The following SPAST variants were observed in gnomAD, a reference collection of about 807,000 sequenced individuals.
SPAST encodes spastic paraplegia 4 (autosomal dominant; spastin).
Under a neutral mutation model 76.6 loss-of-function variants are expected in SPAST, and 30 were observed. That is an observed-to-expected ratio of 0.39 (90% CI 0.29 to 0.53). The LOEUF (loss-of-function observed/expected upper bound fraction) is 0.53. Among genes scored for constraint, SPAST ranks in the 20% least tolerant of loss-of-function variants. SPAST has a pLI of 0.68. For missense variants in SPAST, 717 were observed against 770.5 expected, an observed-to-expected ratio of 0.93 and a Z score of 0.82; for synonymous variants, 305 against 281.0, an observed-to-expected ratio of 1.09 and a Z score of -0.86.
chr2:32,134,451 G>A (rs1046104238), intron 9 of SPAST, among the ~76,000 whole-genome samples: 5 of 146,968 alleles, frequency 3.4e-5, no homozygotes, highest in East Asian at 2.0e-4. Context: ...GCAGTGAGCC[G>A]AGACTCCATC....
At chr2:32,151,343 ATATT>A (rs1680078751) in intron 16 of SPAST, among the ~76,000 whole-genome samples, 1 of 152,186 alleles carries the variant, frequency 6.6e-6, no homozygotes, top group Admixed American at 6.6e-5. Context: ...TTATGAGTTA[ATATT>A]TATAAAGCAC....
intron 3 of SPAST, among the ~76,000 whole-genome samples, chr2:32,090,964 C>G (rs895951041): frequency 6.6e-6 from 1 of 152,038 alleles, no homozygotes; most frequent in Non-Finnish European, 1.5e-5. Flanking sequence ...TCCAGTGATA[C>G]TTTAATTCTG....
At chr2:32,129,043 T>C (rs1391003682) in intron 9 of SPAST, 1 of 166,542 alleles carries the variant, frequency 6.0e-6, no homozygotes, top group Non-Finnish European at 1.3e-5. Flanking sequence ...GTCACATTCA[T>C]AGGTACTAGG....
At chr2:32,092,537 A>G (rs1484142554) in intron 3 of SPAST, among the ~76,000 whole-genome samples, 1 of 152,210 alleles carries the variant, frequency 6.6e-6, no homozygotes, top group East Asian at 1.9e-4. Flanking sequence ...GTGACTTTGT[A>G]CTTTCTTATT....
intron 3 of SPAST, among the ~76,000 whole-genome samples, chr2:32,095,415 T>G (rs1489865650): frequency 6.6e-6 from 1 of 151,942 alleles, no homozygotes; most frequent in African/African-American, 2.4e-5. Flanking sequence ...AATATACACT[T>G]AGATAAATGA....
chr2:32,088,699 T>C (rs1238191058), intron 2 of SPAST, among the ~76,000 whole-genome samples: 2 of 137,910 alleles, frequency 1.5e-5, no homozygotes, highest in African/African-American at 5.3e-5. Context: ...CCTTGTATTA[T>C]ACCAGTAAGA....
intron 1 of SPAST, among the ~76,000 whole-genome samples, chr2:32,082,632 G>A (rs1677283627): frequency 6.6e-6 from 1 of 151,848 alleles, no homozygotes; most frequent in Non-Finnish European, 1.5e-5. Flanking sequence ...TGAGGCGGAG[G>A]TTCCAGGGAG....
chr2:32,113,050 T>C (rs1025169457), intron 4 of SPAST, among the ~76,000 whole-genome samples: 4 of 152,210 alleles, frequency 2.6e-5, no homozygotes, highest in Non-Finnish European at 5.9e-5. Flanking sequence ...TAAATGTTCA[T>C]TTGCATATAT....
At chr2:32,104,314 C>T (rs1322848573) in intron 4 of SPAST, among the ~76,000 whole-genome samples, 1 of 152,140 alleles carries the variant, frequency 6.6e-6, no homozygotes, top group Non-Finnish European at 1.5e-5. Context: ...GTAGATCTTC[C>T]TCCATCCCTT....
chr2:32,110,924 GTATA>G (rs1188540714), intron 4 of SPAST, among the ~76,000 whole-genome samples: 1 of 52,452 alleles, frequency 1.9e-5, no homozygotes, highest in African/African-American at 7.5e-5. Context: ...TGTGTATAGA[GTATA>G]TATACAGTAT....
intron 1 of SPAST, among the ~76,000 whole-genome samples, chr2:32,071,479 G>A (rs1177662874): frequency 6.6e-6 from 1 of 152,156 alleles, no homozygotes; most frequent in African/African-American, 2.4e-5. Flanking sequence ...TATTTGAAGA[G>A]ATTTATTCTG....
intron 1 of SPAST, among the ~76,000 whole-genome samples, chr2:32,072,632 C>T (rs957303034): frequency 5.9e-5 from 9 of 151,988 alleles, no homozygotes; most frequent in African/African-American, 9.7e-5. Flanking sequence ...TTTTGCTTAC[C>T]GGTTTATAAA....
At chr2:32,068,441 C>A (rs955005893) in intron 1 of SPAST, among the ~76,000 whole-genome samples, 3 of 151,924 alleles carry the variant, frequency 2.0e-5, no homozygotes, top group Non-Finnish European at 4.4e-5. Flanking sequence ...CCTGCCTCAG[C>A]CTCCCCAGTA....
In SPAST at chr2:32,144,929, T is replaced by C; in HGVS notation, c.1617-8T>C. The C allele has an allele frequency of 6.2e-7, 1 of 1,608,036 alleles. No individual in the cohort carries two copies. Among genetic ancestry groups the C allele is most frequent in the Non-Finnish European group, 8.5e-7 (1 of 1,175,612 alleles). ...AATAATTTGCTGTTTCTTCCTTCCC[T>C]TCCTCAGAATGACTGATGGATACTC... On this transcript the variant is annotated splice_region_variant and splice_polypyrimidine_tract_variant and intron_variant, in intron 14 of 16. Coordinates refer to ENST00000315285, the MANE Select transcript of SPAST (RefSeq NM_014946.4).
intron 4 of SPAST, among the ~76,000 whole-genome samples, chr2:32,111,229 CGTATATATACAGTATACTATATA>C (rs1678580439): frequency 1.9e-5 from 2 of 103,818 alleles, no homozygotes; most frequent in African/African-American, 7.6e-5. Context: ...GTGTGTATAG[CGTATATATACAGTATACTATATA>C]GTGTGTATAG....
At chr2:32,102,385 G>A (rs1010759818) in intron 4 of SPAST, among the ~76,000 whole-genome samples, 4 of 152,156 alleles carry the variant, frequency 2.6e-5, no homozygotes, top group Admixed American at 6.5e-5. Flanking sequence ...AGATGATGGG[G>A]TTTTCTAAAT....
At chr2:32,110,618 G>A in intron 4 of SPAST, among the ~76,000 whole-genome samples, 1 of 130,266 alleles carries the variant, frequency 7.7e-6, no homozygotes, top group Non-Finnish European at 1.6e-5. Context: ...ACTATATAGT[G>A]TATATATAGT....
rs773344020 is a variant in SPAST at position 32,087,570 on chromosome 2, C to T, written c.494C>T (p.Thr165Ile). Residue 165 changes from threonine (T) to isoleucine (I), a missense_variant, in exon 2 of 17, where the codon ACA (threonine) becomes ATA (isoleucine). Physicochemically the swap from Thr to Ile is moderately conservative, Grantham distance 89. Coordinates refer to ENST00000315285, the MANE Select transcript of SPAST (RefSeq NM_014946.4). Reference sequence around the variant, plus strand: ...GAAAAAGGAATAGCTGTTATAGTTACAGGACAAGGTAAGATTGTATTTGTT... The same window carrying T: ...GAAAAAGGAATAGCTGTTATAGTTATAGGACAAGGTAAGATTGTATTTGTT... ...ELEKGIAVIV[T>I]GQGEQCERAR... is the part of the protein sequence containing the mutation. 2 of 1,577,078 alleles carry T rather than the reference C, an allele frequency of 1.3e-6. No homozygotes were observed. The highest frequency in any genetic ancestry group is 1.7e-5 in the Admixed American group (1 of 59,724).
At chr2:32,128,166 TG>T (rs1679256329) in intron 8 of SPAST, 1 of 433,386 alleles carries the variant, frequency 2.3e-6, no homozygotes, top group Non-Finnish European at 4.2e-6. Context: ...GACTAATTTT[TG>T]TATTTTTATT....
Sources: gnomAD v4.1 joint callset for allele counts (sites outside exome capture counted in the v4.1 genomes callset) on GRCh38, gnomAD v4.1.1 for gene constraint, MANE v1.5 for transcripts, NCBI Gene and HGNC (gene_info 2026-07-23, HGNC 2026-07-21) for gene names.